The following GABRB1 variants were observed in gnomAD, a reference collection of about 807,000 sequenced individuals.
The protein encoded by GABRB1 is gamma-aminobutyric acid type A receptor subunit beta1.
In GABRB1, 17 loss-of-function variants were observed where a neutral mutation model predicts 51.6. That is an observed-to-expected ratio of 0.33 (90% CI 0.23 to 0.49). The LOEUF is 0.49. GABRB1 is among the 20% of genes least tolerant of loss of function. GABRB1 has a pLI of 0.99. For missense variants in GABRB1, 410 were observed against 600.6 expected (o/e 0.68, Z 3.32); for synonymous variants, 247 against 218.9 (o/e 1.13, Z -1.14).
At chr4:47,354,445 C>G (rs1726476959) in intron 5 of GABRB1, among the ~76,000 whole-genome samples, 1 of 152,172 alleles carries the variant, frequency 6.6e-6, no homozygotes, top group Non-Finnish European at 1.5e-5. Flanking sequence ...TTCTTAAACA[C>G]ACACTCTGTC....
chr4:47,158,855 G>C (rs1717814063), intron 3 of GABRB1, among the ~76,000 whole-genome samples: 1 of 151,990 alleles, frequency 6.6e-6, no homozygotes, highest in Non-Finnish European at 1.5e-5. Flanking sequence ...ATACTAATGT[G>C]TACATAGCAA....
At chr4:47,192,975 T>C (rs762575676) in intron 4 of GABRB1, among the ~76,000 whole-genome samples, 1 of 152,166 alleles carries the variant, frequency 6.6e-6, no homozygotes, top group Non-Finnish European at 1.5e-5. Flanking sequence ...GGTTAAGAAA[T>C]AAAGCTAAGA....
chr4:47,001,396 C>T (rs770594167), intron 1 of GABRB1, among the ~76,000 whole-genome samples: 1 of 152,172 alleles, frequency 6.6e-6, no homozygotes, highest in Middle Eastern at 3.2e-3. Flanking sequence ...CCCGCCTTGG[C>T]CTCCCAAAGT....
intron 5 of GABRB1, among the ~76,000 whole-genome samples, chr4:47,372,942 C>T (rs1414841656): frequency 6.6e-6 from 1 of 152,180 alleles, no homozygotes; most frequent in South Asian, 2.1e-4. Flanking sequence ...ATGCCCTGAC[C>T]TTGGGAGTCA....
intron 5 of GABRB1, among the ~76,000 whole-genome samples, chr4:47,379,545 C>T (rs1039413354): frequency 8.5e-5 from 13 of 152,138 alleles, no homozygotes; most frequent in African/African-American, 3.1e-4. Flanking sequence ...GCATTTTTTA[C>T]TATGATATTT....
At chr4:47,060,653 G>T (rs997334207) in intron 3 of GABRB1, among the ~76,000 whole-genome samples, 3 of 152,102 alleles carry the variant, frequency 2.0e-5, no homozygotes. Flanking sequence ...GGCATGCTTT[G>T]TCTCCTTGTG....
chr4:47,252,136 C>T (rs1465608943), intron 4 of GABRB1, among the ~76,000 whole-genome samples: 2 of 150,026 alleles, frequency 1.3e-5, no homozygotes, highest in Non-Finnish European at 3.0e-5. Context: ...AGATGGATCC[C>T]TGTGGTGCCA....
intron 3 of GABRB1, among the ~76,000 whole-genome samples, chr4:47,149,373 T>C (rs1482688263): frequency 6.6e-6 from 1 of 152,068 alleles, no homozygotes; most frequent in African/African-American, 2.4e-5. Flanking sequence ...GACTATTACA[T>C]ACAGTATTTC....
At chr4:47,178,269 C>T (rs1718784144) in intron 4 of GABRB1, among the ~76,000 whole-genome samples, 1 of 152,060 alleles carries the variant, frequency 6.6e-6, no homozygotes, top group African/African-American at 2.4e-5. Flanking sequence ...TTAGAAATTG[C>T]TCTCTGGGTT....
At chr4:47,197,312 T>A (rs906480707) in intron 4 of GABRB1, among the ~76,000 whole-genome samples, 1 of 152,228 alleles carries the variant, frequency 6.6e-6, no homozygotes, top group Non-Finnish European at 1.5e-5. Flanking sequence ...TGGGATTTTA[T>A]TTTTCTGGAT....
chr4:47,419,270 G>A lies in GABRB1; in HGVS notation c.1081-6404G>A, dbSNP rs997457298. On this transcript the variant is annotated intron_variant, in intron 8 of 8. Coordinates refer to ENST00000295454, the MANE Select transcript of GABRB1 (RefSeq NM_000812.4). The stretch of plus-strand genomic sequence containing the variant: ...GAAGGAAAGTGTGCGCCAGCCAGAA[G>A]CTGGATTGTCCCTTCCATCTCAGGT... 2.6e-5 allele frequency among the ~76,000 whole-genome samples: 4 copies of A among 152,300 alleles called. No individual in the cohort carries two copies. The East Asian group carries it at 7.7e-4, about 29-fold the overall frequency.
chr4:47,007,205 A>G (rs1724432491), intron 1 of GABRB1, among the ~76,000 whole-genome samples: 1 of 152,172 alleles, frequency 6.6e-6, no homozygotes, highest in Admixed American at 6.5e-5. Flanking sequence ...GAAAATTTTA[A>G]GGTGAAGTAC....
At chr4:47,077,451 G>T (rs781577846) in intron 3 of GABRB1, among the ~76,000 whole-genome samples, 1 of 151,954 alleles carries the variant, frequency 6.6e-6, no homozygotes, top group Non-Finnish European at 1.5e-5. Flanking sequence ...GAAATAGTTG[G>T]GTTTTTTTCT....
chr4:47,291,442 C>A (rs1168171617), intron 4 of GABRB1, among the ~76,000 whole-genome samples: 2 of 152,198 alleles, frequency 1.3e-5, no homozygotes, highest in Non-Finnish European at 2.9e-5. Flanking sequence ...CCCCGACCCA[C>A]ACAGAGTCCA....
chr4:47,407,651 G>A (rs1728621306), intron 8 of GABRB1, among the ~76,000 whole-genome samples: 1 of 152,080 alleles, frequency 6.6e-6, no homozygotes, highest in Non-Finnish European at 1.5e-5. Context: ...TAGCACAGAG[G>A]GTGACAACTG....
rs577258108 is a variant in GABRB1, at chr4:47,240,976, C to A, written c.462-79151C>A. ...ATACTCATTAAAATGGCCTATGTGA[C>A]CAGAAAAAGCCACAGAAAATCCAAA... On this transcript the variant is annotated intron_variant, in intron 4 of 8. Coordinates refer to ENST00000295454, the MANE Select transcript of GABRB1 (RefSeq NM_000812.4). Among the ~76,000 whole-genome samples, 125 of 152,148 alleles carry A rather than the reference C, an allele frequency of 8.2e-4. 1 individual carries two copies. Among genetic ancestry groups the A allele is most frequent in the African/African-American group, 2.9e-3 (122 of 41,512 alleles).
chr4:47,293,470 A>T (rs921327645), intron 4 of GABRB1, among the ~76,000 whole-genome samples: 7 of 152,116 alleles, frequency 4.6e-5, no homozygotes, highest in Non-Finnish European at 8.8e-5. Flanking sequence ...ACAACTTCTC[A>T]TGTGCAATCC....
At chr4:47,040,712 A>ATCTTCCCCTGAAAACT in intron 3 of GABRB1, among the ~76,000 whole-genome samples, 1 of 152,210 alleles carries the variant, frequency 6.6e-6, no homozygotes, top group South Asian at 2.1e-4. Context: ...GTTCACAAAT[A>ATCTTCCCCTGAAAACT]AGGTGAGCTC....
At chr4:47,099,736 A>T (rs970090547) in intron 3 of GABRB1, among the ~76,000 whole-genome samples, 1 of 151,988 alleles carries the variant, frequency 6.6e-6, no homozygotes, top group African/African-American at 2.4e-5. Context: ...GAGGCACTGT[A>T]GTATGAAAGC....
Sources: gnomAD v4.1 joint callset for allele counts (sites outside exome capture counted in the v4.1 genomes callset) on GRCh38, gnomAD v4.1.1 for gene constraint, MANE v1.5 for transcripts, NCBI Gene and HGNC (gene_info 2026-07-23, HGNC 2026-07-21) for gene names.